Variants in IRAG2 observed in about 807,000 individuals in gnomAD.
IRAG2 encodes the protein inositol 1,4,5-triphosphate receptor associated 2.
A neutral mutation model predicts 69.9 loss-of-function variants in IRAG2; 45 were observed. That is an observed-to-expected ratio of 0.64 (90% CI 0.51 to 0.83). The LOEUF is 0.83. IRAG2 is among the 40% of genes least tolerant of loss of function. IRAG2 has a pLI of 0.00. For synonymous variants in IRAG2, 193 were observed against 202.4 expected (o/e 0.95, Z 0.40); for missense variants, 520 against 587.0 (o/e 0.89, Z 1.18).
At chr12:25,003,498 A>G (rs1944407995), upstream of IRAG2, among the ~76,000 whole-genome samples, 1 of 150,046 alleles carries the variant, frequency 6.7e-6, no homozygotes, top group South Asian at 2.1e-4. Context: ...GGCACGCACC[A>G]CCACACCCAG....
At chr12:25,052,130 T>C (rs1944889362), upstream of IRAG2, 1 of 395,480 alleles carries the variant, frequency 2.5e-6, no homozygotes, top group East Asian at 3.6e-5. Flanking sequence ...AAGGAAGTGG[T>C]GTTAAGTTTG....
At chr12:25,084,293 G>A (rs1391065315) in intron 10 of IRAG2, among the ~76,000 whole-genome samples, 2 of 152,102 alleles carry the variant, frequency 1.3e-5, no homozygotes, top group South Asian at 2.1e-4. Flanking sequence ...AGGAGGGCAA[G>A]GCAGACAGAT....
At position 25,033,860 on chromosome 12, in the gene IRAG2, G is replaced by T. The variant is rs139838536; in HGVS notation, c.1656G>T (p.Gln552His). The change falls in exon 13 of 39, where the codon CAG becomes CAT. Residue 552 changes from glutamine (Q) to histidine (H), a missense_variant. Physicochemically the swap from Gln to His is conservative, Grantham distance 24. Coordinates refer to the IRAG2 transcript ENST00000636465. Reference sequence around the variant, plus strand: ...TGTTTTTCTCAAGAAATGGGATCCAGTTGAATGTTAATGGAGAGTGTAACA... The same window carrying T: ...TGTTTTTCTCAAGAAATGGGATCCATTTGAATGTTAATGGAGAGTGTAACA... 394 of 399,040 alleles carry T rather than the reference G, an allele frequency of 9.9e-4. 4 individuals carry two copies. The highest frequency in any genetic ancestry group is 7.3e-3 in the African/African-American group (358 of 48,760). 24.7% of individuals were successfully genotyped at this position (399,040 alleles called of 1,614,324 possible).
chr12:25,015,297 T>C, intron 4 of IRAG2: 2 of 1,231,274 alleles, frequency 1.6e-6, no homozygotes, highest in East Asian at 3.2e-5. Flanking sequence ...TTCTGTTTTC[T>C]TACGGTTTGT....
intron 6 of IRAG2, among the ~76,000 whole-genome samples, chr12:25,018,193 C>CTTTTTTTT (rs56659655): frequency 1.7e-4 from 18 of 105,530 alleles, no homozygotes; most frequent in African/African-American, 3.2e-4. Flanking sequence ...TTTCTTTCTT[C>CTTTTTTTT]TTTTTTTTTT....
chr12:25,052,570 G>A (rs1401142365), upstream of IRAG2: 4 of 397,046 alleles, frequency 1.0e-5, no homozygotes, highest in African/African-American at 8.2e-5. Context: ...AGGCGACTCT[G>A]CAGAAAGAGG....
intron 6 of IRAG2, among the ~76,000 whole-genome samples, chr12:25,070,260 T>C (rs1220253797): frequency 6.6e-6 from 1 of 152,158 alleles, no homozygotes; most frequent in Non-Finnish European, 1.5e-5. Flanking sequence ...ATTGGTAGTC[T>C]CTCCCTATTT....
intron 2 of IRAG2, among the ~76,000 whole-genome samples, chr12:25,005,646 G>T (rs182947885): frequency 1.3e-5 from 2 of 152,106 alleles, no homozygotes; most frequent in South Asian, 4.1e-4. Flanking sequence ...CTTACATGTC[G>T]TAGGTGGCGC....
rs748720170 is a variant in IRAG2 at position 25,102,242 on chromosome 12, GTAATTAC to G, written c.933+7_933+13del. ...ACGTTCAGCTTCTCTAAACTCCAAG[GTAATTAC>G]TAATTCACTTAACAAATGTCTAGCA... On this transcript the variant is annotated splice_donor_variant and splice_donor_5th_base_variant and intron_variant, in intron 17 of 21. Transcript: ENST00000556887. LOFTEE classifies it high-confidence loss of function. The G allele has an allele frequency of 6.2e-7, 1 of 1,611,074 alleles. No homozygotes were observed. Among genetic ancestry groups the G allele is most frequent in the South Asian group, 1.1e-5 (1 of 90,600 alleles).
intron 9 of IRAG2, among the ~76,000 whole-genome samples, chr12:25,081,834 G>A (rs7980388): frequency 0.87 from 132,289 of 152,060 alleles, 57,930 homozygotes; most frequent in East Asian, 1. Context: ...TTTCTTGGGG[G>A]AAAAAAGTAC....
upstream of IRAG2, among the ~76,000 whole-genome samples, chr12:25,050,244 T>C (rs1036583052): frequency 1.3e-5 from 2 of 151,436 alleles, no homozygotes; most frequent in African/African-American, 2.4e-5. Flanking sequence ...GAAAATGTTA[T>C]GGAGGGCCGG....
intron 9 of IRAG2, among the ~76,000 whole-genome samples, chr12:25,027,388 C>CTT (rs150854134): frequency 0.11 from 11,654 of 110,886 alleles, 612 homozygotes; most frequent in African/African-American, 0.11. Flanking sequence ...ATTACTACCT[C>CTT]TTTTTTTTTC....
chr12:25,022,170 A>G (rs1209992115), intron 7 of IRAG2, among the ~76,000 whole-genome samples: 62 of 152,212 alleles, frequency 4.1e-4, no homozygotes, highest in Admixed American at 4.1e-3. Context: ...CATGTAAAGC[A>G]TTCAATGTCC....
chr12:25,055,827 A>G (rs368115345), intron 1 of IRAG2, among the ~76,000 whole-genome samples: 2 of 151,918 alleles, frequency 1.3e-5, no homozygotes, highest in Non-Finnish European at 2.9e-5. Flanking sequence ...GGATGTGTAT[A>G]TAACATATTA....
At chr12:25,044,163 AAT>A (rs1266350188) in intron 16 of IRAG2, among the ~76,000 whole-genome samples, 3 of 152,100 alleles carry the variant, frequency 2.0e-5, no homozygotes, top group Non-Finnish European at 2.9e-5. Flanking sequence ...AGAGTAATAG[AAT>A]AGAGTTTTTA....
At chr12:25,014,069 G>T (rs1382740867) in intron 3 of IRAG2, among the ~76,000 whole-genome samples, 18 of 151,406 alleles carry the variant, frequency 1.2e-4, no homozygotes, top group African/African-American at 4.4e-4. Context: ...TAGAGACGGG[G>T]TTTCACCGTG....
rs755136986 is a variant in IRAG2 at position 25,090,066 on chromosome 12, C to A, written c.475C>A (p.Leu159Ile). The A allele has an allele frequency of 6.2e-7, 1 of 1,613,600 alleles. No homozygotes were observed. The highest frequency in any genetic ancestry group is 1.7e-5 in the Admixed American group (1 of 59,844). Residue 159 changes from leucine (L) to isoleucine (I), a missense_variant, in exon 14 of 22, where the codon CTC becomes ATC. By Grantham distance (5) the Leu-to-Ile change is conservative. Coordinates refer to ENST00000556887, the MANE Select transcript of IRAG2 (RefSeq NM_001366544.2). ...ANEKEVEAEF[L>I]RLSLGFKCDW... is the part of the protein sequence containing the mutation. ...ATTATTTTGACAACAGGCAGAATTT[C>A]TCAGATTATCTTTGGGATTTAAGTG...
At chr12:25,060,317 T>C (rs1945535238) in intron 1 of IRAG2, among the ~76,000 whole-genome samples, 1 of 152,210 alleles carries the variant, frequency 6.6e-6, no homozygotes, top group Non-Finnish European at 1.5e-5. Flanking sequence ...AAATAAATAA[T>C]ATGTTATTAT....
chr12:25,022,080 T>C (rs1156300540), intron 7 of IRAG2, among the ~76,000 whole-genome samples: 2 of 152,212 alleles, frequency 1.3e-5, no homozygotes, highest in Non-Finnish European at 2.9e-5. Flanking sequence ...ATAGTCACTC[T>C]AAGCCCGTGG....
Sources: allele counts gnomAD v4.1 joint callset (sites outside exome capture counted in the v4.1 genomes callset), GRCh38; gene constraint gnomAD v4.1.1; transcripts MANE v1.5; gene names NCBI Gene and HGNC (gene_info 2026-07-23, HGNC 2026-07-21).